Variants in INSC observed in about 807,000 individuals in gnomAD.
The protein encoded by INSC is INSC spindle orientation adaptor protein.
Under a neutral mutation model 58.6 loss-of-function variants are expected in INSC, and 67 were observed. That is an observed-to-expected ratio of 1.14 (90% CI 0.94 to 1.40). The LOEUF (loss-of-function observed/expected upper bound fraction) is 1.40. INSC is among the 40% of genes most tolerant of loss of function. The probability of loss-of-function intolerance (pLI) is 0.00; values close to 1 mark genes in which losing one functional copy is unlikely to be tolerated. For missense variants in INSC, 714 were observed against 692.0 expected (o/e 1.03, Z -0.36); for synonymous variants, 262 against 276.1 (o/e 0.95, Z 0.51).
intron 1 of INSC, among the ~76,000 whole-genome samples, chr11:15,141,400 T>C (rs940522762): frequency 6.6e-6 from 1 of 152,188 alleles, no homozygotes; most frequent in Non-Finnish European, 1.5e-5. Context: ...CCGCTCTACC[T>C]GATGCAAGTC....
At chr11:15,242,416 C>T (rs1482192121) in intron 12 of INSC, among the ~76,000 whole-genome samples, 1 of 152,166 alleles carries the variant, frequency 6.6e-6, no homozygotes, top group Admixed American at 6.5e-5. Context: ...AATCCATTCT[C>T]CGTGTGGCTT....
intron 2 of INSC, among the ~76,000 whole-genome samples, chr11:15,168,775 T>C (rs945354003): frequency 1.3e-5 from 2 of 152,016 alleles, no homozygotes; most frequent in African/African-American, 4.8e-5. Flanking sequence ...GGTTGGGGAG[T>C]GACTAGAAGG....
At chr11:15,185,298 A>T (rs1849923206) in intron 5 of INSC, among the ~76,000 whole-genome samples, 3 of 152,334 alleles carry the variant, frequency 2.0e-5, no homozygotes, top group African/African-American at 7.2e-5. Context: ...TATGGGAACA[A>T]GATTTTTCAG....
chr11:15,141,687 G>A (rs1590352597), intron 1 of INSC, among the ~76,000 whole-genome samples: 1 of 152,082 alleles, frequency 6.6e-6, no homozygotes, highest in African/African-American at 2.4e-5. Context: ...ACCACAGCTA[G>A]CAATAGCTCC....
At chr11:15,221,860 G>A (rs868046514) in intron 8 of INSC, among the ~76,000 whole-genome samples, 5 of 152,004 alleles carry the variant, frequency 3.3e-5, no homozygotes, top group Non-Finnish European at 7.4e-5. Context: ...AAATGTGTGC[G>A]GCCCTCTGAG....
At chr11:15,236,906 T>C (rs961760949) in intron 10 of INSC, among the ~76,000 whole-genome samples, 8 of 152,222 alleles carry the variant, frequency 5.3e-5, no homozygotes, top group Non-Finnish European at 1.2e-4. Context: ...GAGCTAATAA[T>C]GAGAAACTTT....
chr11:15,158,675 A>G (rs1417620553), intron 2 of INSC, among the ~76,000 whole-genome samples: 4 of 149,078 alleles, frequency 2.7e-5, no homozygotes, highest in African/African-American at 9.8e-5. Flanking sequence ...TTTACTCACC[A>G]TGTGACCTCT....
chr11:15,143,944 G>A (rs1025740646), intron 1 of INSC, among the ~76,000 whole-genome samples: 1 of 152,172 alleles, frequency 6.6e-6, no homozygotes, highest in African/African-American at 2.4e-5. Flanking sequence ...AGAGGAACTT[G>A]ATTCTTCTGC....
At chr11:15,213,855 G>C (rs1012755423) in intron 7 of INSC, among the ~76,000 whole-genome samples, 1 of 152,192 alleles carries the variant, frequency 6.6e-6, no homozygotes, top group Middle Eastern at 3.2e-3. Context: ...GGATATATTA[G>C]TTTGGAGGAG....
the INSC span, among the ~76,000 whole-genome samples, chr11:15,256,147 G>A: frequency 6.6e-6 from 1 of 152,218 alleles, no homozygotes; most frequent in Admixed American, 6.5e-5. Context: ...GCAGGGGAAA[G>A]AGCAGCTTTC....
At chr11:15,154,211 A>C (rs991980249) in intron 2 of INSC, among the ~76,000 whole-genome samples, 1 of 152,220 alleles carries the variant, frequency 6.6e-6, no homozygotes, top group Non-Finnish European at 1.5e-5. Flanking sequence ...GATCTCAATA[A>C]GTGATTGTTG....
intron 9 of INSC, among the ~76,000 whole-genome samples, chr11:15,233,724 TC>T (rs1314676409): frequency 1.3e-5 from 2 of 151,904 alleles, no homozygotes. Flanking sequence ...CCTCCCTTCC[TC>T]CCTCCTTCCC....
chr11:15,113,045 T>A (rs1273285171), upstream of INSC, among the ~76,000 whole-genome samples: 1 of 152,076 alleles, frequency 6.6e-6, no homozygotes, highest in African/African-American at 2.4e-5. Flanking sequence ...ACTTCTTTCC[T>A]TCCCTTCCTT....
intron 1 of INSC, among the ~76,000 whole-genome samples, chr11:15,130,283 G>T (rs77618133): frequency 7.2e-5 from 11 of 152,026 alleles, no homozygotes; most frequent in African/African-American, 2.7e-4. Flanking sequence ...TTTCTAGTTT[G>T]CTAAAATATT....
intron 1 of INSC, among the ~76,000 whole-genome samples, chr11:15,139,627 T>G (rs1028233878): frequency 3.9e-5 from 6 of 152,224 alleles, no homozygotes; most frequent in Admixed American, 6.5e-5. Context: ...GTGAGCTCAC[T>G]AATGTGCCTA....
At position 15,246,553 on chromosome 11, in the gene INSC, T is replaced by C. The variant is rs1468823157; in HGVS notation, c.*513T>C. The C allele has an allele frequency of 2.0e-5, 3 of 152,758 alleles. No individual in the cohort carries two copies. Among genetic ancestry groups the C allele is most frequent in the Non-Finnish European group, 4.4e-5 (3 of 68,134 alleles). The allele number at this position is 152,758 out of a possible 1,614,324, so 9.5% of individuals were successfully genotyped here. ...CCCGGATTTTCTTATTAAATTGTATTTTAAACTAGGTTCTTGCTTCCCAGG... is the reference window on the plus strand; with the variant it reads ...CCCGGATTTTCTTATTAAATTGTATCTTAAACTAGGTTCTTGCTTCCCAGG... On this transcript the variant is annotated 3_prime_UTR_variant, in exon 13 of 13. Coordinates refer to ENST00000379556, the MANE Select transcript of INSC (RefSeq NM_001042536.3).
Position 15,178,310 on chromosome 11 carries a change from T to A in INSC, c.456-14T>A. 6.2e-7 allele frequency: 1 copy of A among 1,613,708 alleles called. No homozygotes were observed. Among genetic ancestry groups the A allele is most frequent in the East Asian group, 2.2e-5 (1 of 44,860 alleles). On this transcript the variant is annotated splice_polypyrimidine_tract_variant and intron_variant, in intron 4 of 12. Transcript: ENST00000379556. ...CCCTTTCCAGTGGCCCACCCCATGG[T>A]TTCTTCTCTTCAGGTGCCTTCAGGT...
At chr11:15,116,823 T>TTCTG (rs1186069428) in intron 1 of INSC, among the ~76,000 whole-genome samples, 2 of 34,690 alleles carry the variant, frequency 5.8e-5, no homozygotes, top group Non-Finnish European at 1.1e-4. Context: ...CTTTCTTTCT[T>TTCTG]TCTTTCTTTC....
At position 15,190,782 on chromosome 11, in the gene INSC, G is replaced by A; in HGVS notation, c.661G>A (p.Glu221Lys). The change falls in exon 6 of 13, where the codon GAG becomes AAG. Residue 221 changes from glutamate to lysine, a missense_variant. Physicochemically the swap from Glu to Lys is moderately conservative, Grantham distance 56. Coordinates refer to ENST00000379556, the MANE Select transcript of INSC (RefSeq NM_001042536.3). Reference sequence around the variant, plus strand: ...AGGGAACCTGTTCAGCCTGACCCAGGAGGGGGCTCCCTTGTGCCGCATCAT... The same window carrying A: ...AGGGAACCTGTTCAGCCTGACCCAGAAGGGGGCTCCCTTGTGCCGCATCAT... ...TTGNLFSLTQ[E>K]GAPLCRIIAK... is the part of the protein sequence containing the mutation. 6.2e-7 allele frequency: 1 copy of A among 1,613,880 alleles called. No homozygotes were observed. Among genetic ancestry groups the A allele is most frequent in the Non-Finnish European group, 8.5e-7 (1 of 1,179,782 alleles).
Sources: allele counts gnomAD v4.1 joint callset (sites outside exome capture counted in the v4.1 genomes callset), GRCh38; gene constraint gnomAD v4.1.1; transcripts MANE v1.5; gene names NCBI Gene and HGNC (gene_info 2026-07-23, HGNC 2026-07-21).